The following VPS39 variants were observed in gnomAD, a reference collection of about 807,000 sequenced individuals.
VPS39 encodes the protein VPS39 subunit of HOPS complex, also known as vam6/Vps39-like protein.
VPS39 carries 70 observed loss-of-function variants against 121.0 expected under a neutral mutation model. The ratio of observed to expected loss-of-function variants is 0.58; its 90% CI spans 0.48 to 0.71. The LOEUF (loss-of-function observed/expected upper bound fraction) is 0.71, where lower values mean the gene tolerates loss of function less well. Among genes scored for constraint, VPS39 ranks in the 30% least tolerant of loss-of-function variants. The pLI, the probability that VPS39 is intolerant of heterozygous loss-of-function variation, is 0.00. For synonymous variants in VPS39, 378 were observed against 398.1 expected, an observed-to-expected ratio of 0.95 and a Z score of 0.60; for missense variants, 818 against 1,051.5, an observed-to-expected ratio of 0.78 and a Z score of 3.07.
chr15:42,171,749 C>T (rs955466732), intron 11 of VPS39, among the ~76,000 whole-genome samples: 24 of 152,290 alleles, frequency 1.6e-4, no homozygotes, highest in African/African-American at 5.5e-4. Flanking sequence ...TAAACAATTA[C>T]TCCCTATTCT....
rs542513855 is a variant in VPS39 at position 42,189,374 on chromosome 15, A to C, written c.248-166T>G. On this transcript the variant is annotated intron_variant, in intron 4 of 24. Transcript: ENST00000318006. Reference sequence around the variant, plus strand: ...CTAGGATGATTCATTCTCACCTATAACCAGTACAAAGCATTTAAGAGGTCA... The same window carrying C: ...CTAGGATGATTCATTCTCACCTATACCCAGTACAAAGCATTTAAGAGGTCA... 4.6e-5 allele frequency among the ~76,000 whole-genome samples: 7 copies of C among 152,248 alleles called. No homozygotes were observed. In the South Asian group the frequency reaches 1.2e-3, roughly 27 times the overall value.
chr15:42,194,783 T>C (rs562977695), intron 2 of VPS39, among the ~76,000 whole-genome samples: 26 of 152,124 alleles, frequency 1.7e-4, no homozygotes, highest in African/African-American at 6.3e-4. Context: ...AATTACACAA[T>C]GACCATCAGT....
At chr15:42,166,749 G>C (rs1361783649) in intron 14 of VPS39, 23 bp downstream of exon 14, 1 of 1,613,346 alleles carries the variant, frequency 6.2e-7, no homozygotes. Context: ...GCCCCTCCCA[G>C]ATCCAAGGAA....
chr15:42,170,550 T>C (rs982832392), intron 11 of VPS39, among the ~76,000 whole-genome samples: 1 of 152,104 alleles, frequency 6.6e-6, no homozygotes, highest in Non-Finnish European at 1.5e-5. Context: ...CAAATTCACA[T>C]AAATTGGCAA....
intron 18 of VPS39, 71 bp downstream of exon 18, chr15:42,164,925 C>G: frequency 1.3e-6 from 2 of 1,595,138 alleles, no homozygotes; most frequent in Non-Finnish European, 1.7e-6. Flanking sequence ...TTACCCCCAC[C>G]ACACGTGGCA....
chr15:42,196,074 G>C (rs1337850763), intron 2 of VPS39, among the ~76,000 whole-genome samples: 3 of 152,138 alleles, frequency 2.0e-5, no homozygotes, highest in Non-Finnish European at 4.4e-5. Flanking sequence ...ATGGGGAAAG[G>C]ATTCCCTATT....
intron 2 of VPS39, chr15:42,192,181 C>T: frequency 1.4e-6 from 2 of 1,386,418 alleles, no homozygotes; most frequent in Non-Finnish European, 2.0e-6. Flanking sequence ...AATATTCAGC[C>T]TCAAAAGTCA....
chr15:42,161,378 C>T, intron 24 of VPS39: 1 of 459,098 alleles, frequency 2.2e-6, no homozygotes. Flanking sequence ...CTTATAAGAA[C>T]TTTCTGCAGA....
intron 2 of VPS39, among the ~76,000 whole-genome samples, chr15:42,198,839 T>C (rs1490636989): frequency 1.3e-5 from 2 of 152,222 alleles, no homozygotes; most frequent in Non-Finnish European, 2.9e-5. Flanking sequence ...CTAAAATATT[T>C]ATTCTTTGGA....
At chr15:42,193,854 A>T (rs1752804179) in intron 2 of VPS39, among the ~76,000 whole-genome samples, 1 of 106,362 alleles carries the variant, frequency 9.4e-6, no homozygotes, top group African/African-American at 5.1e-5. Flanking sequence ...TTGTTCATAA[A>T]AAAAAAAAAA....
chr15:42,183,178 G>A (rs1001846589), intron 8 of VPS39, among the ~76,000 whole-genome samples: 7 of 149,848 alleles, frequency 4.7e-5, no homozygotes, highest in Non-Finnish European at 7.4e-5. Context: ...TCGGCTCACC[G>A]CAACTTCCCC....
At chr15:42,204,779 C>T (rs1208606694) in intron 1 of VPS39, among the ~76,000 whole-genome samples, 2 of 152,090 alleles carry the variant, frequency 1.3e-5, no homozygotes, top group Non-Finnish European at 2.9e-5. Context: ...TCCATTTTAT[C>T]CTCTCTTCTC....
In VPS39 at chr15:42,187,348, G is replaced by T; in HGVS notation, c.457C>A (p.Pro153Thr). The T allele has an allele frequency of 6.2e-7, 1 of 1,610,364 alleles. No individual in the cohort carries two copies. The highest frequency in any genetic ancestry group is 1.1e-5 in the South Asian group (1 of 89,970). ...CACGCCATGGACTTGGGCACATCTG[G>T]CACACTAAAGTCCCCCTGAAAAAAG... is the stretch of plus-strand genomic sequence containing the variant. ...FHELQGDFSV[P>T]DVPKSMAWCE... The change falls in exon 7 of 25, where the codon CCA (proline) becomes ACA (threonine). Residue 153 changes from proline to threonine, a missense_variant. Transcript: ENST00000318006.
In VPS39 at chr15:42,163,607, G is replaced by C. The variant is rs1461217944; in HGVS notation, c.2129+19C>G. ...TGCTTTTAGACTGCTTAGGAGGTGG[G>C]ATGTTGGGGCAAACTTACTCCTCAG... On this transcript the variant is annotated intron_variant, in intron 20 of 24. Coordinates refer to ENST00000318006, the MANE Select transcript of VPS39 (RefSeq NM_015289.5). The C allele has an allele frequency of 6.2e-7, 1 of 1,605,032 alleles. No individual in the cohort carries two copies. Among genetic ancestry groups the C allele is most frequent in the South Asian group, 1.1e-5 (1 of 90,238 alleles).
intron 24 of VPS39, chr15:42,161,105 C>T (rs976316882): frequency 7.1e-6 from 3 of 420,592 alleles, no homozygotes; most frequent in African/African-American, 5.9e-5. Flanking sequence ...GGGCAGTGCA[C>T]CAGCCCAAAG....
intron 12 of VPS39, among the ~76,000 whole-genome samples, chr15:42,167,814 C>A (rs2049274722): frequency 6.6e-6 from 1 of 152,168 alleles, no homozygotes; most frequent in Non-Finnish European, 1.5e-5. Context: ...AGGTGAGGAA[C>A]CCAAGGCACA....
At chr15:42,203,985 C>T (rs151063165) in intron 1 of VPS39, among the ~76,000 whole-genome samples, 3 of 152,252 alleles carry the variant, frequency 2.0e-5, no homozygotes, top group Non-Finnish European at 4.4e-5. Flanking sequence ...CCCTAAAAAA[C>T]TCCTGACGGC....
intron 2 of VPS39, among the ~76,000 whole-genome samples, chr15:42,195,211 C>T (rs1200348346): frequency 6.6e-6 from 1 of 152,054 alleles, no homozygotes; most frequent in Non-Finnish European, 1.5e-5. Context: ...GAGGTCGAGG[C>T]GGGCGGATCA....
At chr15:42,202,225 G>A (rs2050082515) in intron 1 of VPS39, among the ~76,000 whole-genome samples, 1 of 152,122 alleles carries the variant, frequency 6.6e-6, no homozygotes, top group Non-Finnish European at 1.5e-5. Flanking sequence ...TTATCCAAAG[G>A]ATCAATAGTA....
Sources: allele counts gnomAD v4.1 joint callset (sites outside exome capture counted in the v4.1 genomes callset), GRCh38; gene constraint gnomAD v4.1.1; transcripts MANE v1.5; gene names NCBI Gene and HGNC (gene_info 2026-07-23, HGNC 2026-07-21).